DICER1: variants seen among roughly 807,000 people sequenced by gnomAD.
DICER1 encodes endoribonuclease Dicer.
Under a neutral mutation model 194.1 loss-of-function variants are expected in DICER1, and 43 were observed. The observed-to-expected ratio is 0.22, with a 90% CI of 0.17 to 0.29. The LOEUF (loss-of-function observed/expected upper bound fraction) is 0.29, where lower values mean the gene tolerates loss of function less well. Ranked by LOEUF, DICER1 falls within the 10% of genes least tolerant of loss-of-function variation. DICER1 has a pLI of 1.00. For missense variants in DICER1, 1,608 were observed against 2,317.0 expected (o/e 0.69, Z 6.28); for synonymous variants, 832 against 820.5 (o/e 1.01, Z -0.24).
chr14:95,110,079 AT>A (rs1891817607), intron 14 of DICER1, among the ~76,000 whole-genome samples: 1 of 152,132 alleles, frequency 6.6e-6, no homozygotes. Flanking sequence ...AAAGAAACCA[AT>A]TTTCCCACAG....
At chr14:95,107,562 T>C in intron 17 of DICER1, 46 bp downstream of exon 17, 1 of 1,607,658 alleles carries the variant, frequency 6.2e-7, no homozygotes, top group Non-Finnish European at 8.5e-7. Flanking sequence ...GTGCATCTTT[T>C]AAAACAAAGT....
At position 95,157,452 on chromosome 14, in the gene DICER1, G is replaced by C. The variant is rs1308904457; in HGVS notation, c.-268C>G. The C allele has an allele frequency of 6.6e-6, 1 of 152,534 alleles. No homozygotes were observed. Among genetic ancestry groups the C allele is most frequent in the Non-Finnish European group, 1.5e-5 (1 of 68,476 alleles). 9.4% of individuals were successfully genotyped at this position (152,534 alleles called of 1,614,324 possible). A position where few individuals can be genotyped will look rare whatever the true frequency, so the allele number is the denominator to read the frequency against. On this transcript the variant is annotated 5_prime_UTR_variant, in exon 1 of 27. Transcript: ENST00000343455. ...GACCCCTCCCGCCGGCGCCTGCGGA[G>C]ACTGCGCAGCGCCCGGCTGGCCGGC...
At chr14:95,090,816 C>A (rs1464237189) in intron 26 of DICER1, 153 bp from the exon 27 acceptor site, 1 of 1,026,570 alleles carries the variant, frequency 9.7e-7, no homozygotes, top group Admixed American at 1.9e-5. Context: ...CAATTGCATA[C>A]CCCCGACAGA....
rs556285779 is a variant in DICER1, at chr14:95,149,892, C to G, written c.-46+7338G>C. The stretch of plus-strand genomic sequence containing the variant: ...AAATTATTTCAACAAGCTTAACATC[C>G]TCGATCTTGGCACCCAAGTCCAAAA... On this transcript the variant is annotated intron_variant, in intron 1 of 26. Coordinates refer to ENST00000343455, the MANE Select transcript of DICER1 (RefSeq NM_177438.3). 4.6e-5 allele frequency among the ~76,000 whole-genome samples: 7 copies of G among 152,270 alleles called. No individual in the cohort carries two copies. The East Asian group carries it at 1.2e-3, about 25-fold the overall frequency.
At chr14:95,155,974 A>T (rs1231998814) in intron 1 of DICER1, among the ~76,000 whole-genome samples, 1 of 152,232 alleles carries the variant, frequency 6.6e-6, no homozygotes, top group Non-Finnish European at 1.5e-5. Flanking sequence ...CTATTCCAGA[A>T]CCTAATTTCC....
chr14:95,138,335 A>T (rs1004940343), intron 1 of DICER1, among the ~76,000 whole-genome samples: 12 of 151,904 alleles, frequency 7.9e-5, no homozygotes, highest in African/African-American at 2.9e-4. Context: ...TGGAAAAAAA[A>T]AACAGAGAAA....
At chr14:95,097,475 C>T (rs1373448750) in intron 22 of DICER1, among the ~76,000 whole-genome samples, 1 of 152,138 alleles carries the variant, frequency 6.6e-6, no homozygotes, top group African/African-American at 2.4e-5. Context: ...CACAACAATC[C>T]AATTTCTGTC....
intron 8 of DICER1, among the ~76,000 whole-genome samples, chr14:95,120,036 T>C (rs543736711): frequency 1.4e-4 from 22 of 152,294 alleles, no homozygotes; most frequent in East Asian, 1.4e-3. Context: ...AGAAAACTAA[T>C]AGATGTATTA....
chr14:95,098,225 C>G (rs1890541310), intron 22 of DICER1, among the ~76,000 whole-genome samples: 1 of 152,126 alleles, frequency 6.6e-6, no homozygotes, highest in Non-Finnish European at 1.5e-5. Context: ...TTTTCAAGAG[C>G]ACTTCAAGCC....
chr14:95,114,399 TA>T (rs1892251249), intron 11 of DICER1, among the ~76,000 whole-genome samples: 1 of 152,086 alleles, frequency 6.6e-6, no homozygotes, highest in Non-Finnish European at 1.5e-5. Flanking sequence ...ACCCATTAAA[TA>T]AAACAGGAGT....
rs869025262 is a variant in DICER1, at chr14:95,111,382, C to T, written c.2191G>A (p.Glu731Lys). The T allele has an allele frequency of 6.2e-7, 1 of 1,614,170 alleles. No homozygotes were observed. Among genetic ancestry groups the T allele is most frequent in the Non-Finnish European group, 8.5e-7 (1 of 1,180,002 alleles). The stretch of plus-strand genomic sequence containing the variant: ...CTTCCTGGAACACTGGTCTCTTCTT[C>T]ATCATGCAAATCAAGCTCCTCTTCA... ...KYEEELDLHD[E>K]EETSVPGRPG... is the part of the protein sequence containing the mutation. The change falls in exon 14 of 27, where the codon GAA (glutamate) becomes AAA (lysine). Residue 731 changes from glutamate to lysine, a missense_variant. Physicochemically the swap from Glu to Lys is moderately conservative, Grantham distance 56. This residue lies in a region of DICER1 where 657 missense variants were observed against 910.1 expected (regional missense o/e 0.72). Transcript: ENST00000343455.
chr14:95,134,640 C>T (rs181472308), intron 1 of DICER1: 16 of 152,290 alleles, frequency 1.1e-4, no homozygotes, highest in Non-Finnish European at 2.1e-4. Context: ...TTATACAACA[C>T]AATACTGAAT....
chr14:95,130,531 A>AT (rs1277271760), intron 4 of DICER1, among the ~76,000 whole-genome samples: 1 of 152,120 alleles, frequency 6.6e-6, no homozygotes, highest in Non-Finnish European at 1.5e-5. Flanking sequence ...CACACTTTTT[A>AT]TTTTTTTCTG....
At chr14:95,120,477 A>G (rs1892848099) in intron 8 of DICER1, among the ~76,000 whole-genome samples, 1 of 152,252 alleles carries the variant, frequency 6.6e-6, no homozygotes, top group South Asian at 2.1e-4. Flanking sequence ...CACAAAATAT[A>G]CATCCACAAA....
intron 8 of DICER1, among the ~76,000 whole-genome samples, chr14:95,118,049 G>A (rs1167546822): frequency 6.6e-6 from 1 of 152,128 alleles, no homozygotes; most frequent in African/African-American, 2.4e-5. Flanking sequence ...TAGAAATGTG[G>A]CCCAGGATGA....
chr14:95,157,711 G>A (rs931917707), upstream of DICER1: 1 of 152,314 alleles, frequency 6.6e-6, no homozygotes, highest in Admixed American at 6.5e-5. Flanking sequence ...CCCAGCGCCT[G>A]GACTGGACCT....
At chr14:95,129,392 C>T (rs1595456183) in intron 6 of DICER1, 80 bp downstream of exon 6, 1 of 1,364,006 alleles carries the variant, frequency 7.3e-7, no homozygotes, top group East Asian at 2.3e-5. Flanking sequence ...GTACTCTCTG[C>T]AAGGTACTAC....
At chr14:95,093,215 T>G (rs1168276009) in intron 24 of DICER1, among the ~76,000 whole-genome samples, 1 of 152,044 alleles carries the variant, frequency 6.6e-6, no homozygotes, top group Non-Finnish European at 1.5e-5. Context: ...GGAAATGAAA[T>G]GGGAAGAGGA....
chr14:95,124,686 G>T lies in DICER1; in HGVS notation c.904-18C>A. ...GATAGTATCTACAAAAAAAAGAAAA[G>T]AAAAAACCTAATGCCAAATAATAAT... On this transcript the variant is annotated intron_variant, in intron 7 of 26. Transcript: ENST00000343455. The surrounding 1 kb of genome is among the most constrained non-coding windows in gnomAD (Gnocchi z 4.5). 1 of 1,576,456 alleles carries T rather than the reference G, an allele frequency of 6.3e-7. No individual in the cohort carries two copies. The highest frequency in any genetic ancestry group is 8.7e-7 in the Non-Finnish European group (1 of 1,147,144).
Sources: gnomAD v4.1 joint callset for allele counts (sites outside exome capture counted in the v4.1 genomes callset) on GRCh38, gnomAD v4.1.1 for gene constraint, gnomAD v4.1.1 regional missense constraint, Gnocchi (gnomAD v3.1) non-coding constraint, MANE v1.5 for transcripts, NCBI Gene and HGNC (gene_info 2026-07-23, HGNC 2026-07-21) for gene names.